The following TNS3 variants were observed in gnomAD, a reference collection of about 807,000 sequenced individuals.
TNS3 encodes tensin-3.
TNS3 carries 45 observed loss-of-function variants against 140.9 expected under a neutral mutation model. The ratio of observed to expected loss-of-function variants is 0.32; its 90% CI spans 0.25 to 0.41. The LOEUF (loss-of-function observed/expected upper bound fraction) is 0.41. Among genes scored for constraint, TNS3 ranks in the 10% least tolerant of loss-of-function variants. The pLI, the probability that TNS3 is intolerant of heterozygous loss-of-function variation, is 1.00. For missense variants in TNS3, 1,716 were observed against 1,906.7 expected (o/e 0.90, Z 1.86); for synonymous variants, 815 against 788.4 (o/e 1.03, Z -0.56).
At chr7:47,379,903 G>C (rs1271133421) in intron 16 of TNS3, among the ~76,000 whole-genome samples, 1 of 152,226 alleles carries the variant, frequency 6.6e-6, no homozygotes. Flanking sequence ...TTCTAAAAAT[G>C]AGGCAGACTG....
chr7:47,451,255 C>T (rs1040729843), intron 4 of TNS3, among the ~76,000 whole-genome samples: 3 of 152,156 alleles, frequency 2.0e-5, no homozygotes, highest in African/African-American at 7.2e-5. Flanking sequence ...CTGACCAGCC[C>T]TGAAAACTAG....
At chr7:47,545,987 C>T (rs1334569125) in intron 1 of TNS3, among the ~76,000 whole-genome samples, 3 of 152,172 alleles carry the variant, frequency 2.0e-5, no homozygotes, top group Admixed American at 2.0e-4. Flanking sequence ...TTCCCAGGAG[C>T]TCTGATTTGT....
intron 2 of TNS3, among the ~76,000 whole-genome samples, chr7:47,509,739 C>A (rs539162664): frequency 1.3e-5 from 2 of 152,228 alleles, no homozygotes; most frequent in East Asian, 3.9e-4. Context: ...CTGCCCATAC[C>A]AACCTCACCT....
At chr7:47,282,870 G>T (rs1785221146) in intron 28 of TNS3, among the ~76,000 whole-genome samples, 1 of 152,110 alleles carries the variant, frequency 6.6e-6, no homozygotes, top group South Asian at 2.1e-4. Flanking sequence ...AGGTGGTTTG[G>T]GCAGATGAAG....
At chr7:47,469,037 T>C (rs1292111224) in intron 4 of TNS3, among the ~76,000 whole-genome samples, 1 of 152,218 alleles carries the variant, frequency 6.6e-6, no homozygotes, top group Non-Finnish European at 1.5e-5. Flanking sequence ...GCTAGCCATA[T>C]GCAGAAGAAT....
At chr7:47,567,257 C>A (rs2152008874) in intron 1 of TNS3, among the ~76,000 whole-genome samples, 1 of 152,188 alleles carries the variant, frequency 6.6e-6, no homozygotes, top group South Asian at 2.1e-4. Flanking sequence ...ATGGGAAATG[C>A]CCAGGAATAT....
intron 1 of TNS3, among the ~76,000 whole-genome samples, chr7:47,565,009 G>C (rs1800398784): frequency 6.6e-6 from 1 of 152,000 alleles, no homozygotes; most frequent in African/African-American, 2.4e-5. Context: ...CTATGGTGAA[G>C]AATCAAAATC....
At chr7:47,492,609 T>G (rs1187776002) in intron 3 of TNS3, among the ~76,000 whole-genome samples, 1 of 152,214 alleles carries the variant, frequency 6.6e-6, no homozygotes, top group East Asian at 1.9e-4. Context: ...AAATAAGATG[T>G]GCTTTTATTT....
At chr7:47,465,825 G>A (rs947546023) in intron 4 of TNS3, among the ~76,000 whole-genome samples, 9 of 151,930 alleles carry the variant, frequency 5.9e-5, no homozygotes, top group Admixed American at 3.3e-4. Flanking sequence ...TCAGGAGGCT[G>A]AGGCAGGAGA....
chr7:47,475,077 A>G (rs1237911560), intron 4 of TNS3, among the ~76,000 whole-genome samples: 1 of 151,688 alleles, frequency 6.6e-6, no homozygotes, highest in Non-Finnish European at 1.5e-5. Context: ...CACCTCACGT[A>G]CAACACACAC....
intron 6 of TNS3, among the ~76,000 whole-genome samples, chr7:47,437,860 C>T (rs1795265494): frequency 6.7e-6 from 1 of 150,030 alleles, no homozygotes; most frequent in South Asian, 2.1e-4. Flanking sequence ...CCTGACAACA[C>T]AAACTGACCC....
At position 47,439,853 on chromosome 7, in the gene TNS3, G is replaced by A. The variant is rs1795375586; in HGVS notation, c.-22-195C>T. The stretch of plus-strand genomic sequence containing the variant: ...ATAACAGCGGGCAGTGTGGGGAGGG[G>A]CACAAGATTGAATTTTCCTAGCAGG... On this transcript the variant is annotated intron_variant, in intron 5 of 30. Transcript: ENST00000311160. Among the ~76,000 whole-genome samples, 3 of 152,276 alleles carry A rather than the reference G, an allele frequency of 2.0e-5. No homozygotes were observed. The South Asian group carries it at 6.2e-4, about 32-fold the overall frequency.
chr7:47,572,333 G>A (rs936712077), intron 1 of TNS3, among the ~76,000 whole-genome samples: 1 of 152,176 alleles, frequency 6.6e-6, no homozygotes, highest in African/African-American at 2.4e-5. Context: ...CCATTCGCGC[G>A]GTAGTCACAC....
At chr7:47,357,990 G>A (rs1790092897) in intron 17 of TNS3, among the ~76,000 whole-genome samples, 1 of 152,092 alleles carries the variant, frequency 6.6e-6, no homozygotes, top group Non-Finnish European at 1.5e-5. Flanking sequence ...CACAGAAGGG[G>A]GACCCCCGCC....
At chr7:47,524,476 C>T (rs1300874771) in intron 2 of TNS3, among the ~76,000 whole-genome samples, 1 of 152,144 alleles carries the variant, frequency 6.6e-6, no homozygotes, top group South Asian at 2.1e-4. Flanking sequence ...ATGCCTGCAT[C>T]CTGGCTGCCC....
chr7:47,328,678 C>T (rs1196322508), intron 20 of TNS3, among the ~76,000 whole-genome samples: 2 of 152,246 alleles, frequency 1.3e-5, no homozygotes, highest in African/African-American at 2.4e-5. Context: ...CTGGATGGGG[C>T]CATCTGCCTC....
At position 47,486,211 on chromosome 7, in the gene TNS3, A is replaced by G. The variant is rs114280880; in HGVS notation, c.-114-5070T>C. 7.3e-3 allele frequency among the ~76,000 whole-genome samples: 1,117 copies of G among 152,144 alleles called. 12 individuals carry two copies. The highest frequency in any genetic ancestry group is 0.025 in the African/African-American group (1,053 of 41,484). On this transcript the variant is annotated intron_variant, in intron 3 of 30. Coordinates refer to ENST00000311160, the MANE Select transcript of TNS3 (RefSeq NM_022748.12). Reference sequence around the variant, plus strand: ...TTTGCATATGAGTGGGTGAGTCAGTAGTTATGTGCATGGGAGTGTAAAAGT... The same window carrying G: ...TTTGCATATGAGTGGGTGAGTCAGTGGTTATGTGCATGGGAGTGTAAAAGT...
At chr7:47,342,501 TA>T (rs1209540940) in intron 20 of TNS3, among the ~76,000 whole-genome samples, 2 of 152,250 alleles carry the variant, frequency 1.3e-5, no homozygotes, top group Non-Finnish European at 2.9e-5. Flanking sequence ...AGGGGTTACC[TA>T]AATGTACAAA....
At chr7:47,549,926 C>T (rs1800018105) in intron 1 of TNS3, among the ~76,000 whole-genome samples, 1 of 136,664 alleles carries the variant, frequency 7.3e-6, no homozygotes, top group Non-Finnish European at 1.6e-5. Flanking sequence ...CCCACGTCCC[C>T]GCCCTCCCAC....
Sources: allele counts gnomAD v4.1 joint callset (sites outside exome capture counted in the v4.1 genomes callset), GRCh38; gene constraint gnomAD v4.1.1; transcripts MANE v1.5; gene names NCBI Gene and HGNC (gene_info 2026-07-23, HGNC 2026-07-21).